The following FGF10 variants were observed in gnomAD, a reference collection of about 807,000 sequenced individuals.
FGF10 encodes the protein fibroblast growth factor 10.
In FGF10, 2 loss-of-function variants were observed where a neutral mutation model predicts 19.8. The ratio of observed to expected loss-of-function variants is 0.10; its 90% CI spans 0.04 to 0.32. The LOEUF is 0.32. FGF10 is among the 10% of genes least tolerant of loss of function. The pLI is 1.00. For synonymous variants in FGF10, 112 were observed against 94.0 expected (o/e 1.19, Z -1.10); for missense variants, 191 against 246.3 (o/e 0.78, Z 1.50).
At chr5:44,370,686 C>T (rs773930980) in intron 1 of FGF10, among the ~76,000 whole-genome samples, 4 of 152,126 alleles carry the variant, frequency 2.6e-5, no homozygotes, top group Admixed American at 2.6e-4. Context: ...GACAACAAAA[C>T]ATTTGTCTGC....
intron 1 of FGF10, among the ~76,000 whole-genome samples, chr5:44,350,852 T>A (rs557956468): frequency 7.7e-4 from 117 of 151,540 alleles, no homozygotes; most frequent in Non-Finnish European, 1.3e-3. Flanking sequence ...TTTAAAAGAA[T>A]GTGATTTTGG....
intron 1 of FGF10, among the ~76,000 whole-genome samples, chr5:44,322,964 T>A (rs1432393225): frequency 6.6e-6 from 1 of 152,090 alleles, no homozygotes. Flanking sequence ...TTCCACAAAA[T>A]CAGTCCCTGG....
rs115212577 is a variant in FGF10, at chr5:44,308,434, C to T, written c.429+1993G>A. Among the ~76,000 whole-genome samples, 1,232 of 152,032 alleles carry T rather than the reference C, an allele frequency of 8.1e-3. 17 individuals are homozygous for T. Among genetic ancestry groups the T allele is most frequent in the African/African-American group, 0.029 (1,195 of 41,468 alleles). On this transcript the variant is annotated intron_variant, in intron 2 of 2. Transcript: ENST00000264664. Reference sequence around the variant, plus strand: ...AAATTAGTGTTAGCTGGCTTTAGGACGTTGGGTCTAGACTAAGTATGTGTG... The same window carrying T: ...AAATTAGTGTTAGCTGGCTTTAGGATGTTGGGTCTAGACTAAGTATGTGTG...
At chr5:44,330,582 T>C (rs1312140382) in intron 1 of FGF10, among the ~76,000 whole-genome samples, 1 of 152,232 alleles carries the variant, frequency 6.6e-6, no homozygotes, top group Non-Finnish European at 1.5e-5. Flanking sequence ...GCTATTCTTT[T>C]ATTATAATGA....
At chr5:44,348,066 T>C (rs1384675603) in intron 1 of FGF10, among the ~76,000 whole-genome samples, 1 of 151,630 alleles carries the variant, frequency 6.6e-6, no homozygotes, top group Non-Finnish European at 1.5e-5. Flanking sequence ...GCAAAAATGT[T>C]TGACAATATG....
At chr5:44,335,569 G>C (rs1169736708) in intron 1 of FGF10, among the ~76,000 whole-genome samples, 1 of 152,068 alleles carries the variant, frequency 6.6e-6, no homozygotes, top group Non-Finnish European at 1.5e-5. Flanking sequence ...TACAACCTGA[G>C]TGTTATTAAG....
chr5:44,304,730 C>A lies in FGF10; in HGVS notation c.*265G>T. ...AAACTTGACAACAACAACAAAAAACCCAGCCACAATGTTTTTCACTTGGGA... is the reference window on the plus strand; with the variant it reads ...AAACTTGACAACAACAACAAAAAACACAGCCACAATGTTTTTCACTTGGGA... On this transcript the variant is annotated 3_prime_UTR_variant, in exon 3 of 3. Coordinates refer to ENST00000264664, the MANE Select transcript of FGF10 (RefSeq NM_004465.2). The A allele has an allele frequency of 2.4e-6, 1 of 418,000 alleles. No individual in the cohort carries two copies. The highest frequency in any genetic ancestry group is 4.4e-6 in the Non-Finnish European group (1 of 228,756). The allele number at this position is 418,000 out of a possible 1,614,324, so 25.9% of individuals were successfully genotyped here. A position where few individuals can be genotyped will look rare whatever the true frequency, so the allele number is the denominator to read the frequency against.
chr5:44,315,556 G>A (rs1169924075), intron 1 of FGF10, among the ~76,000 whole-genome samples: 2 of 152,216 alleles, frequency 1.3e-5, no homozygotes, highest in East Asian at 3.9e-4. Flanking sequence ...TGTGAAACGT[G>A]GAAAGTCTCA....
chr5:44,385,363 T>C (rs916242175), intron 1 of FGF10, among the ~76,000 whole-genome samples: 6 of 152,164 alleles, frequency 3.9e-5, no homozygotes, highest in Non-Finnish European at 5.9e-5. Flanking sequence ...GCTTTGAAAG[T>C]AGAAGTTAAA....
At chr5:44,312,217 C>CAT (rs397819685) in intron 1 of FGF10, among the ~76,000 whole-genome samples, 8 of 151,412 alleles carry the variant, frequency 5.3e-5, no homozygotes, top group East Asian at 1.9e-4. Context: ...CACACACACA[C>CAT]GCACATTTAT....
intron 1 of FGF10, among the ~76,000 whole-genome samples, chr5:44,333,343 T>C (rs959978171): frequency 3.3e-5 from 5 of 152,122 alleles, no homozygotes; most frequent in Non-Finnish European, 1.5e-5. Context: ...AACAAAAACC[T>C]GTATGTTCAA....
intron 1 of FGF10, among the ~76,000 whole-genome samples, chr5:44,326,089 G>A (rs1740608449): frequency 6.6e-6 from 1 of 151,958 alleles, no homozygotes; most frequent in South Asian, 2.1e-4. Context: ...AATAAAAATA[G>A]ACATGCCCTT....
intron 1 of FGF10, among the ~76,000 whole-genome samples, chr5:44,361,904 C>G (rs533275959): frequency 6.6e-6 from 1 of 151,682 alleles, no homozygotes; most frequent in African/African-American, 2.4e-5. Flanking sequence ...CATATGGACA[C>G]AAAGTCACCT....
intron 1 of FGF10, among the ~76,000 whole-genome samples, chr5:44,334,072 G>C (rs1740794475): frequency 6.6e-6 from 1 of 152,014 alleles, no homozygotes; most frequent in Admixed American, 6.6e-5. Context: ...CTACAACTAG[G>C]AGGGGCATCA....
At chr5:44,375,480 A>G (rs1269289774) in intron 1 of FGF10, among the ~76,000 whole-genome samples, 1 of 152,188 alleles carries the variant, frequency 6.6e-6, no homozygotes, top group Admixed American at 6.5e-5. Context: ...AGGTTCTAGA[A>G]CTGAAATCAA....
chr5:44,360,974 T>G (rs1741468768), intron 1 of FGF10, among the ~76,000 whole-genome samples: 7 of 151,856 alleles, frequency 4.6e-5, no homozygotes, highest in Admixed American at 4.6e-4. Context: ...TTTCCTAACT[T>G]CAACTTCTAA....
chr5:44,314,954 A>G (rs1343837412), intron 1 of FGF10, among the ~76,000 whole-genome samples: 1 of 152,166 alleles, frequency 6.6e-6, no homozygotes, highest in Non-Finnish European at 1.5e-5. Flanking sequence ...CTAGATGTGA[A>G]AAATAAGTGC....
intron 1 of FGF10, among the ~76,000 whole-genome samples, chr5:44,359,695 T>G (rs1025677607): frequency 1.3e-5 from 2 of 151,376 alleles, no homozygotes; most frequent in African/African-American, 2.4e-5. Flanking sequence ...GACTGGAAAA[T>G]CTCTTTTTGA....
chr5:44,380,396 T>TA (rs1199989423), intron 1 of FGF10, among the ~76,000 whole-genome samples: 10 of 152,318 alleles, frequency 6.6e-5, no homozygotes, highest in African/African-American at 9.6e-5. Flanking sequence ...TGAAAACACT[T>TA]ATGGAATTAA....
Sources: allele counts gnomAD v4.1 joint callset (sites outside exome capture counted in the v4.1 genomes callset), GRCh38; gene constraint gnomAD v4.1.1; transcripts MANE v1.5; gene names NCBI Gene and HGNC (gene_info 2026-07-23, HGNC 2026-07-21).